The following SASH1 variants were observed in gnomAD, a reference collection of about 807,000 sequenced individuals.
SASH1 encodes the protein SAM and SH3 domain-containing protein 1.
SASH1 carries 44 observed loss-of-function variants against 125.2 expected under a neutral mutation model. The observed-to-expected ratio is 0.35, with a 90% CI of 0.28 to 0.45. The LOEUF is 0.45. Ranked by LOEUF, SASH1 falls within the 20% of genes least tolerant of loss-of-function variation. SASH1 has a pLI of 1.00. For missense variants in SASH1, 1,426 were observed against 1,614.5 expected (o/e 0.88, Z 2.00); for synonymous variants, 639 against 649.1 (o/e 0.98, Z 0.24).
chr6:148,391,176 C>T (rs1022841226), intron 2 of SASH1, among the ~76,000 whole-genome samples: 1 of 150,484 alleles, frequency 6.6e-6, no homozygotes, highest in Non-Finnish European at 1.5e-5. Flanking sequence ...GTGGCGTGAT[C>T]TGGGCTCACC....
At chr6:148,501,087 G>T (rs1292576142) in intron 8 of SASH1, among the ~76,000 whole-genome samples, 1 of 151,912 alleles carries the variant, frequency 6.6e-6, no homozygotes, top group African/African-American at 2.4e-5. Flanking sequence ...CCTGCCTCCA[G>T]CTTCGACAGA....
chr6:148,314,918 G>A (rs1780442168), intron 1 of SASH1, among the ~76,000 whole-genome samples: 1 of 151,916 alleles, frequency 6.6e-6, no homozygotes, highest in African/African-American at 2.4e-5. Context: ...TATCATGCCT[G>A]GCTAATTTTT....
intron 1 of SASH1, 89 bp from the exon 2 acceptor site, chr6:148,390,045 C>T: frequency 1.4e-6 from 2 of 1,450,038 alleles, no homozygotes; most frequent in Admixed American, 1.9e-5. Flanking sequence ...ACCTTTATTA[C>T]TATTAACTCT....
intron 1 of SASH1, among the ~76,000 whole-genome samples, chr6:148,297,316 C>T (rs1353005903): frequency 4.6e-5 from 7 of 152,130 alleles, no homozygotes; most frequent in African/African-American, 1.7e-4. Flanking sequence ...GGTAAAATAG[C>T]TTAGACTAAA....
At chr6:148,259,205 A>T in the SASH1 span, among the ~76,000 whole-genome samples, 10 of 152,266 alleles carry the variant, frequency 6.6e-5, no homozygotes, top group African/African-American at 2.4e-4. Flanking sequence ...CCAGGCCAAT[A>T]CCTAAAGATT....
chr6:148,520,297 A>G, intron 10 of SASH1: 1 of 182,416 alleles, frequency 5.5e-6, no homozygotes. Flanking sequence ...TGCCTGCTGG[A>G]GGAGGATGAG....
intron 1 of SASH1, among the ~76,000 whole-genome samples, chr6:148,375,473 G>A (rs896934493): frequency 2.6e-5 from 4 of 151,628 alleles, no homozygotes; most frequent in Non-Finnish European, 5.9e-5. Flanking sequence ...TAACTTCCAA[G>A]ATGTTTTAAA....
At chr6:148,205,579 T>G in the SASH1 span, among the ~76,000 whole-genome samples, 2 of 152,134 alleles carry the variant, frequency 1.3e-5, no homozygotes, top group Admixed American at 6.5e-5. Flanking sequence ...TAGGTCTTCC[T>G]AATAGAGGAT....
At chr6:148,459,008 A>T (rs1308073454) in intron 4 of SASH1, among the ~76,000 whole-genome samples, 1 of 150,610 alleles carries the variant, frequency 6.6e-6, no homozygotes, top group Non-Finnish European at 1.5e-5. Context: ...ACACACACAC[A>T]CACACACACA....
intron 4 of SASH1, among the ~76,000 whole-genome samples, chr6:148,447,869 C>A (rs1282588016): frequency 6.6e-6 from 1 of 152,114 alleles, no homozygotes; most frequent in Non-Finnish European, 1.5e-5. Flanking sequence ...GCCCTATTCT[C>A]CCAGGGCGTG....
Position 148,430,271 on chromosome 6 carries a change from G to A in SASH1, c.286-9913G>A, listed in dbSNP as rs901314435. ...TATGATCAGGCTATTTGGTGAAGGG[G>A]GCTTCTTCTTCTGAAACGTGGACTT... is the stretch of plus-strand genomic sequence containing the variant. On this transcript the variant is annotated intron_variant, in intron 2 of 19. Coordinates refer to ENST00000367467, the MANE Select transcript of SASH1 (RefSeq NM_015278.5). Among the ~76,000 whole-genome samples, 10 of 152,166 alleles carry A rather than the reference G, an allele frequency of 6.6e-5. 1 individual carries two copies. The highest frequency in any genetic ancestry group is 4.1e-4 in the South Asian group (2 of 4,826).
intron 8 of SASH1, chr6:148,508,606 G>C (rs1432797200): frequency 8.7e-7 from 1 of 1,146,096 alleles, no homozygotes; most frequent in Non-Finnish European, 1.1e-6. Flanking sequence ...GAGTTATGCA[G>C]TTAGCAAGCG....
chr6:148,237,027 A>G, the SASH1 span, among the ~76,000 whole-genome samples: 1 of 152,164 alleles, frequency 6.6e-6, no homozygotes, highest in Non-Finnish European at 1.5e-5. Context: ...TTGACCTTGG[A>G]CTTCCCAACC....
At chr6:148,524,773 C>A (rs1430883600) in intron 10 of SASH1, 5 of 152,994 alleles carry the variant, frequency 3.3e-5, no homozygotes, top group African/African-American at 1.2e-4. Context: ...TAACCTTCTC[C>A]CCCCCTCTTC....
chr6:148,367,285 G>C (rs1054125226), intron 1 of SASH1, among the ~76,000 whole-genome samples: 4 of 152,182 alleles, frequency 2.6e-5, no homozygotes, highest in Non-Finnish European at 4.4e-5. Context: ...TTATAATTAT[G>C]CTTCCTTAAG....
the SASH1 span, among the ~76,000 whole-genome samples, chr6:148,217,054 T>C: frequency 6.6e-6 from 1 of 152,070 alleles, no homozygotes; most frequent in Non-Finnish European, 1.5e-5. Context: ...ATCAGGAAGA[T>C]AGTAATAGCA....
upstream of SASH1, among the ~76,000 whole-genome samples, chr6:148,267,621 G>A (rs541189124): frequency 5.3e-5 from 8 of 152,126 alleles, no homozygotes; most frequent in East Asian, 3.9e-4. Flanking sequence ...CTCATGATCT[G>A]CCTGTCTAGG....
chr6:148,519,720 G>A lies in SASH1; in HGVS notation c.1036G>A (p.Ala346Thr). 6.2e-7 allele frequency: 1 copy of A among 1,614,136 alleles called. No homozygotes were observed. ...CTCCAGCAGCCTGGACACCTGGGGG[G>A]CTGGCCGGAAGTTGGTCAAAACCTT... is the stretch of plus-strand genomic sequence containing the variant. ...PSSSSLDTWG[A>T]GRKLVKTFSK... Residue 346 changes from alanine to threonine, a missense_variant, in exon 10 of 20, where the codon GCT (alanine) becomes ACT (threonine). Coordinates refer to ENST00000367467, the MANE Select transcript of SASH1 (RefSeq NM_015278.5). The surrounding 1 kb of genome is among the most constrained non-coding windows in gnomAD (Gnocchi z 4.8).
intron 1 of SASH1, among the ~76,000 whole-genome samples, chr6:148,313,429 G>T (rs1780389336): frequency 6.6e-6 from 1 of 152,116 alleles, no homozygotes; most frequent in Non-Finnish European, 1.5e-5. Flanking sequence ...TCCATGTCCT[G>T]TGATTCCTGG....
Sources: gnomAD v4.1 joint callset for allele counts (sites outside exome capture counted in the v4.1 genomes callset) on GRCh38, gnomAD v4.1.1 for gene constraint, Gnocchi (gnomAD v3.1) non-coding constraint, MANE v1.5 for transcripts, NCBI Gene and HGNC (gene_info 2026-07-23, HGNC 2026-07-21) for gene names.